Variants in FBXO46 observed in about 807,000 individuals in gnomAD.
FBXO46 encodes the protein F-box protein 46.
In FBXO46, 13 loss-of-function variants were observed where a neutral mutation model predicts 30.7. That is an observed-to-expected ratio of 0.42 (90% confidence interval 0.28 to 0.67). The LOEUF is 0.67. Ranked by LOEUF, FBXO46 falls within the 30% of genes least tolerant of loss-of-function variation. The pLI is 0.21. For missense variants in FBXO46, 754 were observed against 871.5 expected (o/e 0.87, Z 1.70); for synonymous variants, 467 against 385.8 (o/e 1.21, Z -2.47).
At chr19:45,721,553 C>CTTTTT (rs35101456) in intron 1 of FBXO46, among the ~76,000 whole-genome samples, 1 of 110,770 alleles carries the variant, frequency 9.0e-6, no homozygotes. Flanking sequence ...GGTCCTGTTC[C>CTTTTT]TTTTTTTTTT....
At chr19:45,732,578 CTTTT>C (rs1205985560), upstream of FBXO46, among the ~76,000 whole-genome samples, 4 of 92,864 alleles carry the variant, frequency 4.3e-5, no homozygotes, top group Non-Finnish European at 6.4e-5. Context: ...CTTTTTCTTT[CTTTT>C]TTTTCCTTTT....
At chr19:45,727,539 ACAGTGAGACTCTGTCT>A in intron 1 of FBXO46, among the ~76,000 whole-genome samples, 1 of 151,808 alleles carries the variant, frequency 6.6e-6, no homozygotes, top group East Asian at 1.9e-4. Flanking sequence ...AGCCTGGACA[ACAGTGAGACTCTGTCT>A]CAAAAAAAAA....
chr19:45,713,542 C>T lies in FBXO46; in HGVS notation c.-47G>A. The T allele has an allele frequency of 6.8e-7, 1 of 1,470,754 alleles. No individual in the cohort carries two copies. The highest frequency in any genetic ancestry group is 1.4e-5 in the South Asian group (1 of 73,106). 91.1% of individuals were successfully genotyped at this position (1,470,754 alleles called of 1,614,324 possible). On this transcript the variant is annotated 5_prime_UTR_variant, in exon 2 of 2. Coordinates refer to ENST00000317683, the MANE Select transcript of FBXO46 (RefSeq NM_001080469.2). The surrounding 1 kb of genome is among the most constrained non-coding windows in gnomAD (Gnocchi z 4.7). ...GGCTGGGCTTCAGCGCATCTCAGGA[C>T]CTAGGTGGTGGTGGGAGGCTCCACA...
chr19:45,727,070 C>CTGATG (rs1385463501), intron 1 of FBXO46, among the ~76,000 whole-genome samples: 1 of 151,988 alleles, frequency 6.6e-6, no homozygotes, highest in Non-Finnish European at 1.5e-5. Flanking sequence ...TCAGCCTGGG[C>CTGATG]AACGTGGTGA....
intron 1 of FBXO46, among the ~76,000 whole-genome samples, chr19:45,719,886 GA>G (rs1261935500): frequency 6.6e-6 from 1 of 152,226 alleles, no homozygotes; most frequent in Admixed American, 6.5e-5. Flanking sequence ...GAACTTGTTT[GA>G]TTCTTCTATC....
At chr19:45,714,549 G>A (rs1968060241) in intron 1 of FBXO46, 1 of 152,262 alleles carries the variant, frequency 6.6e-6, no homozygotes, top group Non-Finnish European at 1.5e-5. Flanking sequence ...AGGCTGCAGG[G>A]AGCAATGATG....
chr19:45,727,075 T>C (rs567100796), intron 1 of FBXO46, among the ~76,000 whole-genome samples: 1 of 151,682 alleles, frequency 6.6e-6, no homozygotes, highest in Admixed American at 6.6e-5. Flanking sequence ...CTGGGCAACG[T>C]GGTGAAACGC....
Position 45,712,917 on chromosome 19 carries a change from C to T in FBXO46, c.579G>A (p.Pro193=), listed in dbSNP as rs368544546. 3.2e-5 allele frequency: 51 copies of T among 1,608,686 alleles called. No homozygotes were observed. The highest frequency in any genetic ancestry group is 3.3e-4 in the Middle Eastern group (2 of 6,034). Residue 193 remains proline (P), a synonymous_variant, in exon 2 of 2, where the codon CCG becomes CCA. Coordinates refer to ENST00000317683, the MANE Select transcript of FBXO46 (RefSeq NM_001080469.2). This position sits in a 1 kb window ranked among gnomAD's most constrained non-coding sequence, Gnocchi z 8.8. The part of the protein sequence containing the change: ...AALALQSYPR[P]TTPAPVVFVS... ...CAAAGACTACAGGCGCTGGGGTGGTCGGTCGTGGGTAGCTCTGCAGGGCCA... is the reference window on the plus strand; with the variant it reads ...CAAAGACTACAGGCGCTGGGGTGGTTGGTCGTGGGTAGCTCTGCAGGGCCA...
upstream of FBXO46, among the ~76,000 whole-genome samples, chr19:45,732,918 C>A (rs917680300): frequency 6.6e-6 from 1 of 151,940 alleles, no homozygotes; most frequent in African/African-American, 2.4e-5. Context: ...TCTGCATTAA[C>A]CGAGTTCCCG....
Position 45,713,018 on chromosome 19 carries a change from G to T in FBXO46, c.478C>A (p.Pro160Thr). The T allele has an allele frequency of 6.4e-7, 1 of 1,557,338 alleles. No individual in the cohort carries two copies. Among genetic ancestry groups the T allele is most frequent in the Non-Finnish European group, 8.7e-7 (1 of 1,152,732 alleles). The change falls in exon 2 of 2, where the codon CCC (proline) becomes ACC (threonine). Residue 160 changes from proline (P) to threonine (T), a missense_variant. Around this residue, in one of 5 missense-constraint regions of FBXO46, gnomAD observed 454 missense variants for 426.5 expected, o/e 1.06. Coordinates refer to ENST00000317683, the MANE Select transcript of FBXO46 (RefSeq NM_001080469.2). This position sits in a 1 kb window ranked among gnomAD's most constrained non-coding sequence, Gnocchi z 4.7. ...TCCACGTCCTCACCGGCTGAGGCGG[G>T]GCCCTCCTCAGCAGCAGGGGGGCCC... is the stretch of plus-strand genomic sequence containing the variant. ...REGPPAAEEG[P>T]ASAGEDVDLL...
At chr19:45,728,852 A>G (rs1968272592) in intron 1 of FBXO46, among the ~76,000 whole-genome samples, 1 of 152,066 alleles carries the variant, frequency 6.6e-6, no homozygotes, top group African/African-American at 2.4e-5. Context: ...AAAAAATAAA[A>G]AGGCTGCGCG....
chr19:45,732,113 T>C (rs1395054264), upstream of FBXO46, among the ~76,000 whole-genome samples: 1 of 143,952 alleles, frequency 6.9e-6, no homozygotes, highest in Non-Finnish European at 1.5e-5. Context: ...CGAGATTCCG[T>C]CTCAAAAAAA....
At chr19:45,725,810 G>A (rs925538111) in intron 1 of FBXO46, among the ~76,000 whole-genome samples, 1 of 152,032 alleles carries the variant, frequency 6.6e-6, no homozygotes, top group African/African-American at 2.4e-5. Flanking sequence ...ATTCAAAGTT[G>A]GGCACTCTGA....
chr19:45,729,837 G>A (rs1968285705), intron 1 of FBXO46, among the ~76,000 whole-genome samples: 1 of 152,230 alleles, frequency 6.6e-6, no homozygotes, highest in South Asian at 2.1e-4. Context: ...ATGCTTCTGA[G>A]CTGGGGTGTG....
At chr19:45,731,727 C>T (rs1453078004), upstream of FBXO46, among the ~76,000 whole-genome samples, 2 of 152,100 alleles carry the variant, frequency 1.3e-5, no homozygotes, top group Non-Finnish European at 1.5e-5. Flanking sequence ...AGCTCCACAT[C>T]GCTCGAGCCC....
In FBXO46 at chr19:45,712,167, G is replaced by T; in HGVS notation, c.1329C>A (p.Thr443=). 1 of 1,598,296 alleles carries T rather than the reference G, an allele frequency of 6.3e-7. No individual in the cohort carries two copies. The highest frequency in any genetic ancestry group is 8.5e-7 in the Non-Finnish European group (1 of 1,173,070). Residue 443 remains threonine, a synonymous_variant, in exon 2 of 2, where the codon ACC becomes ACA. Transcript: ENST00000317683. The surrounding 1 kb of genome is among the most constrained non-coding windows in gnomAD (Gnocchi z 8.8). ...CGTGCCGGTACAAGCGGCACAGGGAGGTGTCCGCCGTGCCCTCGGCATCGT... is the reference window on the plus strand; with the variant it reads ...CGTGCCGGTACAAGCGGCACAGGGATGTGTCCGCCGTGCCCTCGGCATCGT... ...GPDDAEGTAD[T]SLCRLYRHVS... is the part of the protein sequence containing the mutation.
At position 45,713,507 on chromosome 19, in the gene FBXO46, A is replaced by G. The variant is rs773878283; in HGVS notation, c.-12T>C. On this transcript the variant is annotated 5_prime_UTR_variant, in exon 2 of 2. Transcript: ENST00000317683. The surrounding 1 kb of genome is among the most constrained non-coding windows in gnomAD (Gnocchi z 4.7). ...CTCCCACGGTCCATGCTGGGGGATGATGGCAGACAGGCTGGGCTTCAGCGC... is the reference window on the plus strand; with the variant it reads ...CTCCCACGGTCCATGCTGGGGGATGGTGGCAGACAGGCTGGGCTTCAGCGC... The G allele has an allele frequency of 6.5e-7, 1 of 1,537,532 alleles. No homozygotes were observed. Among genetic ancestry groups the G allele is most frequent in the Non-Finnish European group, 8.8e-7 (1 of 1,138,494 alleles).
chr19:45,727,276 AGGTC>A (rs1968252397), intron 1 of FBXO46, among the ~76,000 whole-genome samples: 1 of 149,414 alleles, frequency 6.7e-6, no homozygotes, highest in Non-Finnish European at 1.5e-5. Flanking sequence ...AAAAAAAAAG[AGGTC>A]GGAGCAGTGG....
rs576014064 is a variant in FBXO46 at position 45,718,689 on chromosome 19, G to T, written c.-78-5116C>A. Reference sequence around the variant, plus strand: ...CCACCTGCCCAGAGGGGACCTCTGGGTTCCCTCTTCCCTGCCTACTCTGGG... The same window carrying T: ...CCACCTGCCCAGAGGGGACCTCTGGTTTCCCTCTTCCCTGCCTACTCTGGG... On this transcript the variant is annotated intron_variant, in intron 1 of 1. Coordinates refer to ENST00000317683, the MANE Select transcript of FBXO46 (RefSeq NM_001080469.2). Among the ~76,000 whole-genome samples, 6 of 151,850 alleles carry T rather than the reference G, an allele frequency of 4.0e-5. No homozygotes were observed. In the East Asian group the frequency reaches 1.2e-3, roughly 30 times the overall value.
Sources: gnomAD v4.1 joint callset for allele counts (sites outside exome capture counted in the v4.1 genomes callset) on GRCh38, gnomAD v4.1.1 for gene constraint, gnomAD v4.1.1 regional missense constraint, Gnocchi (gnomAD v3.1) non-coding constraint, MANE v1.5 for transcripts, NCBI Gene and HGNC (gene_info 2026-07-23, HGNC 2026-07-21) for gene names.